CRTAC1: variants seen among roughly 807,000 people sequenced by gnomAD.
CRTAC1 encodes the protein acidic secreted protein in cartilage.
A neutral mutation model predicts 67.8 loss-of-function variants in CRTAC1; 37 were observed. The ratio of observed to expected loss-of-function variants is 0.55; its 90% CI spans 0.42 to 0.72. The LOEUF (loss-of-function observed/expected upper bound fraction) is 0.72. CRTAC1 is among the 30% of genes least tolerant of loss of function. The probability of loss-of-function intolerance (pLI) is 0.00; values close to 1 mark genes in which losing one functional copy is unlikely to be tolerated. For missense variants in CRTAC1, 780 were observed against 931.6 expected, an observed-to-expected ratio of 0.84 and a Z score of 2.12; for synonymous variants, 348 against 371.0, an observed-to-expected ratio of 0.94 and a Z score of 0.71.
chr10:98,007,477 T>C (rs1044984275), intron 2 of CRTAC1, among the ~76,000 whole-genome samples: 1 of 152,242 alleles, frequency 6.6e-6, no homozygotes, highest in South Asian at 2.1e-4. Flanking sequence ...GAATTCGCAA[T>C]GCTTCACAAC....
chr10:97,896,903 C>T lies in CRTAC1; in HGVS notation c.1216+6G>A, dbSNP rs914369354. 1 of 1,550,396 alleles carries T rather than the reference C, an allele frequency of 6.4e-7. No individual in the cohort carries two copies. The highest frequency in any genetic ancestry group is 8.7e-7 in the Non-Finnish European group (1 of 1,145,314). On this transcript the variant is annotated splice_donor_region_variant and intron_variant, in intron 9 of 14. Transcript: ENST00000370597. ...GTGCAGGCCAGATCCCCCAGGTGCC[C>T]CTCACCTGTGCCCCGGCCCTCAGGC...
intron 14 of CRTAC1, chr10:97,867,158 C>T (rs2050037133): frequency 1.3e-5 from 2 of 152,104 alleles, no homozygotes; most frequent in South Asian, 4.1e-4. Flanking sequence ...GGCTGGGGCT[C>T]TTTAAGGCTT....
rs553061170 is a variant in CRTAC1 at position 97,949,705 on chromosome 10, C to T, written c.225-13339G>A. Among the ~76,000 whole-genome samples, 7 of 152,290 alleles carry T rather than the reference C, an allele frequency of 4.6e-5. No individual in the cohort carries two copies. In the East Asian group the frequency reaches 1.2e-3, roughly 25 times the overall value. ...GGCACTCAGCCGGGCAGTCAGACCA[C>T]CTGAGGGCAGATTTCTGCTCTGCAA... On this transcript the variant is annotated intron_variant, in intron 2 of 14. Transcript: ENST00000370597.
intron 2 of CRTAC1, among the ~76,000 whole-genome samples, chr10:97,964,677 G>A (rs1195680718): frequency 6.6e-6 from 1 of 152,202 alleles, no homozygotes; most frequent in Non-Finnish European, 1.5e-5. Flanking sequence ...AACGCTGAAT[G>A]TATTCGCCTG....
chr10:98,030,390 C>A lies in CRTAC1; in HGVS notation c.24+59G>T. The A allele has an allele frequency of 9.1e-7, 1 of 1,102,106 alleles. No homozygotes were observed. The highest frequency in any genetic ancestry group is 1.2e-6 in the Non-Finnish European group (1 of 854,988). The allele number at this position is 1,102,106 out of a possible 1,614,324, so 68.3% of individuals were successfully genotyped here. On this transcript the variant is annotated intron_variant, in intron 1 of 14. Coordinates refer to ENST00000370597, the MANE Select transcript of CRTAC1 (RefSeq NM_018058.7). The surrounding 1 kb of genome is among the most constrained non-coding windows in gnomAD (Gnocchi z 4.2). ...CCTTGCGGGCGGATCCGGGGGGGCG[C>A]GCAGAGCTGGAGAAACTTTCTCCGC...
intron 2 of CRTAC1, among the ~76,000 whole-genome samples, chr10:97,960,219 C>T (rs2051504798): frequency 6.6e-6 from 1 of 152,244 alleles, no homozygotes; most frequent in Admixed American, 6.5e-5. Flanking sequence ...CAGTCCCAGC[C>T]CCGCTGTAAC....
chr10:97,970,797 C>A (rs2051697068), intron 2 of CRTAC1, among the ~76,000 whole-genome samples: 1 of 152,222 alleles, frequency 6.6e-6, no homozygotes, highest in African/African-American at 2.4e-5. Context: ...CTCTCCAATG[C>A]CTAGATAGTG....
chr10:98,026,743 G>A (rs1244090048), intron 1 of CRTAC1, among the ~76,000 whole-genome samples: 1 of 152,160 alleles, frequency 6.6e-6, no homozygotes, highest in Non-Finnish European at 1.5e-5. Flanking sequence ...TGAGTCTTAG[G>A]GAGAGAAGAG....
intron 2 of CRTAC1, among the ~76,000 whole-genome samples, chr10:97,988,030 T>C (rs1462233358): frequency 6.6e-6 from 1 of 152,150 alleles, no homozygotes; most frequent in Non-Finnish European, 1.5e-5. Flanking sequence ...GGTGCCAGAC[T>C]TATGGAGAAA....
intron 7 of CRTAC1, among the ~76,000 whole-genome samples, chr10:97,902,389 T>C (rs916251993): frequency 3.9e-5 from 6 of 152,216 alleles, no homozygotes; most frequent in Non-Finnish European, 5.9e-5. Context: ...ACGTTGTTTC[T>C]TGGGAGTCTT....
At chr10:97,938,848 G>T (rs2051129275) in intron 2 of CRTAC1, among the ~76,000 whole-genome samples, 1 of 152,160 alleles carries the variant, frequency 6.6e-6, no homozygotes. Flanking sequence ...AAATCTGAGG[G>T]TCATGAAATG....
At position 97,895,578 on chromosome 10, in the gene CRTAC1, G is replaced by A. The variant is rs2050445947; in HGVS notation, c.1318-165C>T. On this transcript the variant is annotated intron_variant, in intron 10 of 14. Transcript: ENST00000370597. This position sits in a 1 kb window ranked among gnomAD's most constrained non-coding sequence, Gnocchi z 4.2. Reference sequence around the variant, plus strand: ...AGGAAGCCAAACAAGAAAAATGAATGAGGCGAAGACAGATTGGCTGAATGA... The same window carrying A: ...AGGAAGCCAAACAAGAAAAATGAATAAGGCGAAGACAGATTGGCTGAATGA... Among the ~76,000 whole-genome samples, 1 of 152,146 alleles carries A rather than the reference G, an allele frequency of 6.6e-6. No homozygotes were observed.
intron 14 of CRTAC1, chr10:97,866,107 A>G (rs981215317): frequency 1.1e-5 from 2 of 183,324 alleles, no homozygotes; most frequent in African/African-American, 4.7e-5. Context: ...TCCCAAACCC[A>G]TATCCACCAG....
chr10:97,925,937 T>C (rs1051095340), intron 3 of CRTAC1, among the ~76,000 whole-genome samples: 4 of 152,078 alleles, frequency 2.6e-5, no homozygotes, highest in Admixed American at 1.3e-4. Flanking sequence ...GGGCCTCACG[T>C]TGGGACCCCT....
intron 7 of CRTAC1, 124 bp from the exon 8 acceptor site, chr10:97,901,763 T>C (rs914944429): frequency 8.2e-7 from 1 of 1,213,452 alleles, no homozygotes; most frequent in African/African-American, 1.5e-5. Flanking sequence ...GCTCCTCTCC[T>C]GCCTCCCGCA....
intron 2 of CRTAC1, among the ~76,000 whole-genome samples, chr10:98,002,758 T>C: frequency 9.1e-6 from 1 of 110,010 alleles, no homozygotes; most frequent in Non-Finnish European, 1.8e-5. Context: ...TTTACAAAAC[T>C]CACTTTTTTT....
intron 5 of CRTAC1, among the ~76,000 whole-genome samples, chr10:97,911,226 C>T (rs1354577352): frequency 2.0e-5 from 3 of 152,240 alleles, no homozygotes; most frequent in Admixed American, 6.5e-5. Context: ...CTTCTTCCTC[C>T]GCTTCCACAT....
At chr10:97,921,728 C>G (rs979526118) in intron 4 of CRTAC1, among the ~76,000 whole-genome samples, 80 of 152,226 alleles carry the variant, frequency 5.3e-4, no homozygotes, top group African/African-American at 1.6e-3. Context: ...GTCCTCAGGC[C>G]CCAGGGATGG....
At chr10:97,881,290 C>T (rs1265641838) in intron 13 of CRTAC1, among the ~76,000 whole-genome samples, 7 of 152,228 alleles carry the variant, frequency 4.6e-5, no homozygotes, top group South Asian at 4.1e-4. Flanking sequence ...AGCCTTTGTC[C>T]TGTCTCCCGC....
Sources: gnomAD v4.1 joint callset for allele counts (sites outside exome capture counted in the v4.1 genomes callset) on GRCh38, gnomAD v4.1.1 for gene constraint, Gnocchi (gnomAD v3.1) non-coding constraint, MANE v1.5 for transcripts, NCBI Gene and HGNC (gene_info 2026-07-23, HGNC 2026-07-21) for gene names.